Variants in MYB observed in about 807,000 individuals in gnomAD.
MYB encodes the protein transcriptional activator Myb.
MYB carries 28 observed loss-of-function variants against 92.9 expected under a neutral mutation model. The observed-to-expected ratio is 0.30, with a 90% CI of 0.22 to 0.41. MYB has a LOEUF of 0.41. Among genes scored for constraint, MYB ranks in the 10% least tolerant of loss-of-function variants. MYB has a pLI of 1.00. For missense variants in MYB, 679 were observed against 929.3 expected, an observed-to-expected ratio of 0.73 and a Z score of 3.50; for synonymous variants, 295 against 329.1, an observed-to-expected ratio of 0.90 and a Z score of 1.12.
In MYB at chr6:135,181,852, C is replaced by T. The variant is rs188227696; in HGVS notation, c.23+316C>T. On this transcript the variant is annotated intron_variant, in intron 1 of 15. Coordinates refer to ENST00000341911, the MANE Select transcript of MYB (RefSeq NM_001130173.2). The surrounding 1 kb of genome is among the most constrained non-coding windows in gnomAD (Gnocchi z 5.3). ...CGAGGGCAGAGCGGTGCCCACCAGC[C>T]CCGGGGAGCCCACCAGGTGCCTGGC... 3.1e-3 allele frequency among the ~76,000 whole-genome samples: 476 copies of T among 152,312 alleles called. 5 individuals are homozygous for T. Among genetic ancestry groups the T allele is most frequent in the African/African-American group, 0.011 (466 of 41,562 alleles).
intron 10 of MYB, among the ~76,000 whole-genome samples, chr6:135,197,831 G>T (rs1421447608): frequency 6.6e-6 from 1 of 152,166 alleles, no homozygotes; most frequent in Non-Finnish European, 1.5e-5. Context: ...AAGAGGATGA[G>T]AAACAAATGC....
In MYB at chr6:135,186,145, C is replaced by T. The variant is rs940992740; in HGVS notation, c.141+125C>T. ...GGCTCCTTGAGATCTTATCCTAGCC[C>T]GCATGTGCAGCGTGCCCTATGCCCC... is the stretch of plus-strand genomic sequence containing the variant. On this transcript the variant is annotated intron_variant, in intron 2 of 15. Transcript: ENST00000341911. 7.4e-5 allele frequency: 54 copies of T among 732,454 alleles called. No individual in the cohort carries two copies. In the Middle Eastern group the frequency reaches 1.5e-3, roughly 20 times the overall value. 45.4% of individuals were successfully genotyped at this position (732,454 alleles called of 1,614,324 possible).
At position 135,184,811 on chromosome 6, in the gene MYB, A is replaced by G. The variant is rs898073832; in HGVS notation, c.24-1092A>G. On this transcript the variant is annotated intron_variant, in intron 1 of 15. Transcript: ENST00000341911. ...GGGTTTCCCAACATTGCAATGACAA[A>G]TTTTAGTGAAGTTTCTAAGATAGTA... Among the ~76,000 whole-genome samples, 18 of 152,168 alleles carry G rather than the reference A, an allele frequency of 1.2e-4. No individual in the cohort carries two copies. The East Asian group carries it at 3.5e-3, about 29-fold the overall frequency.
chr6:135,200,746 A>T (rs1338152692), intron 13 of MYB: 3 of 309,630 alleles, frequency 9.7e-6, no homozygotes, highest in Non-Finnish European at 1.9e-5. Flanking sequence ...GAAGAATTGG[A>T]ATTTAAATTA....
At chr6:135,183,268 A>T (rs1263733733) in intron 1 of MYB, among the ~76,000 whole-genome samples, 1 of 152,114 alleles carries the variant, frequency 6.6e-6, no homozygotes, top group Non-Finnish European at 1.5e-5. Flanking sequence ...GGCGAGCGTC[A>T]ACTCGGCAGG....
chr6:135,197,343 C>A lies in MYB; in HGVS notation c.1566+20C>A. ...TCGCAGGTAGAACACAATTTCTGCACAGCTGTTACTCATTTTCAACAGACA... is the reference window on the plus strand; with the variant it reads ...TCGCAGGTAGAACACAATTTCTGCAAAGCTGTTACTCATTTTCAACAGACA... On this transcript the variant is annotated intron_variant, in intron 10 of 15. Coordinates refer to ENST00000341911, the MANE Select transcript of MYB (RefSeq NM_001130173.2). 1 of 1,561,142 alleles carries A rather than the reference C, an allele frequency of 6.4e-7. No homozygotes were observed. The highest frequency in any genetic ancestry group is 1.8e-5 in the Admixed American group (1 of 56,148).
chr6:135,218,319 G>T lies in MYB; in HGVS notation c.*339G>T. 5 of 264,772 alleles carry T rather than the reference G, an allele frequency of 1.9e-5. No homozygotes were observed. The highest frequency in any genetic ancestry group is 6.7e-5 in the South Asian group (1 of 14,834). The allele number at this position is 264,772 out of a possible 1,614,324, so 16.4% of individuals were successfully genotyped here. On this transcript the variant is annotated 3_prime_UTR_variant, in exon 16 of 16. Coordinates refer to ENST00000341911, the MANE Select transcript of MYB (RefSeq NM_001130173.2). ...CAGATCAGTATTTTTTCCTGTGATG[G>T]GTTTTTTGAAATTTGACACATTAAA...
At chr6:135,195,647 T>A in intron 8 of MYB, 101 bp from the exon 9 acceptor site, 1 of 1,345,048 alleles carries the variant, frequency 7.4e-7, no homozygotes, top group South Asian at 1.3e-5. Flanking sequence ...ACTCTTATCT[T>A]TCCTCCAACA....
intron 10 of MYB, among the ~76,000 whole-genome samples, chr6:135,197,693 T>A (rs1777522182): frequency 6.6e-6 from 1 of 152,246 alleles, no homozygotes; most frequent in Non-Finnish European, 1.5e-5. Flanking sequence ...CATTTATTCT[T>A]ATGCGATTCA....
chr6:135,204,018 C>A, intron 15 of MYB: 2 of 478,612 alleles, frequency 4.2e-6, no homozygotes, highest in Non-Finnish European at 3.0e-6. Flanking sequence ...TTAAATAGCC[C>A]AATACCCAGC....
At chr6:135,197,431 G>A (rs1777488183) in intron 10 of MYB, 108 bp downstream of exon 10, 1 of 1,065,620 alleles carries the variant, frequency 9.4e-7, no homozygotes, top group Non-Finnish European at 1.4e-6. Flanking sequence ...TGCTGCCTTT[G>A]CTGATTTCAT....
Position 135,190,489 on chromosome 6 carries a change from AG to A in MYB, c.527+143del. 2 of 701,580 alleles carry A rather than the reference AG, an allele frequency of 2.9e-6. No homozygotes were observed. The highest frequency in any genetic ancestry group is 4.8e-6 in the Non-Finnish European group (2 of 420,956). 43.5% of individuals were successfully genotyped at this position (701,580 alleles called of 1,614,324 possible). Reference sequence around the variant, plus strand: ...GATAAACCAGCTACATAGCTTTTAGAGATTGAAGACATCTTAGAGTTTATTT... The same window carrying A: ...GATAAACCAGCTACATAGCTTTTAGAATTGAAGACATCTTAGAGTTTATTT... On this transcript the variant is annotated intron_variant, in intron 5 of 15. Transcript: ENST00000341911. The surrounding 1 kb of genome is among the most constrained non-coding windows in gnomAD (Gnocchi z 4.5).
At chr6:135,214,404 C>A (rs1369164402) in intron 15 of MYB, among the ~76,000 whole-genome samples, 1 of 152,126 alleles carries the variant, frequency 6.6e-6, no homozygotes, top group Non-Finnish European at 1.5e-5. Context: ...CAGAAGCAAT[C>A]CTTTCTTTCC....
At chr6:135,213,208 C>T (rs1779985476) in intron 15 of MYB, among the ~76,000 whole-genome samples, 1 of 152,180 alleles carries the variant, frequency 6.6e-6, no homozygotes, top group African/African-American at 2.4e-5. Flanking sequence ...TCCAAGTCAT[C>T]TTGGCTGCCC....
Position 135,197,216 on chromosome 6 carries a change from G to A in MYB, c.1459G>A (p.Ala487Thr). 6.2e-7 allele frequency: 1 copy of A among 1,613,914 alleles called. No individual in the cohort carries two copies. The highest frequency in any genetic ancestry group is 8.5e-7 in the Non-Finnish European group (1 of 1,179,874). The part of the protein sequence containing the change: ...LVILRKKRGQ[A>T]SPLATGDCSS... ...CATCCTTCGAAAAAAACGGGGCCAG[G>A]CCAGCCCCTTAGCCACTGGAGACTG... Residue 487 changes from alanine to threonine, a missense_variant, in exon 10 of 16, where the codon GCC (alanine) becomes ACC (threonine). By Grantham distance (58) the Ala-to-Thr change is moderately conservative. This residue lies in a region of MYB where 402 missense variants were observed against 434.2 expected (regional missense o/e 0.93). Transcript: ENST00000341911.
rs777044345 is a variant in MYB, at chr6:135,190,150, C to T, written c.330C>T (p.Tyr110=). The T allele has an allele frequency of 2.3e-5, 37 of 1,613,942 alleles. No individual in the cohort carries two copies. The highest frequency in any genetic ancestry group is 4.5e-5 in the East Asian group (2 of 44,896). The change falls in exon 5 of 16, where the codon TAC becomes TAT. Residue 110 remains tyrosine (Y), a synonymous_variant. Transcript: ENST00000341911. This position sits in a 1 kb window ranked among gnomAD's most constrained non-coding sequence, Gnocchi z 4.5. ...AGGTGATAGAGCTTGTACAGAAATA[C>T]GGTCCGAAACGTTGGTCTGTTATTG... ...DQRVIELVQK[Y]GPKRWSVIAK... is the part of the protein sequence containing the mutation.
At chr6:135,198,263 G>A (rs756698160) in intron 10 of MYB, among the ~76,000 whole-genome samples, 5 of 152,168 alleles carry the variant, frequency 3.3e-5, no homozygotes, top group Non-Finnish European at 5.9e-5. Flanking sequence ...TGAACATAGC[G>A]AGATCCCATT....
rs1421014027 is a variant in MYB at position 135,218,050 on chromosome 6, A to G, written c.*70A>G. ...GACTTGGGATATATCATTCCTCAAC[A>G]TGAAACTTTTCATGAATGGGAGAAG... On this transcript the variant is annotated 3_prime_UTR_variant, in exon 16 of 16. Coordinates refer to ENST00000341911, the MANE Select transcript of MYB (RefSeq NM_001130173.2). 8.0e-7 allele frequency: 1 copy of G among 1,253,146 alleles called. No individual in the cohort carries two copies. Among genetic ancestry groups the G allele is most frequent in the Admixed American group, 1.7e-5 (1 of 58,042 alleles). 77.6% of individuals were successfully genotyped at this position (1,253,146 alleles called of 1,614,324 possible). A position where few individuals can be genotyped will look rare whatever the true frequency, so the allele number is the denominator to read the frequency against.
chr6:135,181,797 T>A lies in MYB; in HGVS notation c.23+261T>A, dbSNP rs533480054. On this transcript the variant is annotated intron_variant, in intron 1 of 15. Coordinates refer to ENST00000341911, the MANE Select transcript of MYB (RefSeq NM_001130173.2). This position sits in a 1 kb window ranked among gnomAD's most constrained non-coding sequence, Gnocchi z 5.3. ...CAAGTTGCATGGGGATACATTTTTCTTTAGGGGGAAAAAGAAAGCACGTTC... is the reference window on the plus strand; with the variant it reads ...CAAGTTGCATGGGGATACATTTTTCATTAGGGGGAAAAAGAAAGCACGTTC... Among the ~76,000 whole-genome samples the A allele has an allele frequency of 2.8e-4, 42 of 152,324 alleles. No individual in the cohort carries two copies. Among genetic ancestry groups the A allele is most frequent in the African/African-American group, 9.9e-4 (41 of 41,584 alleles).
Sources: allele counts gnomAD v4.1 joint callset (sites outside exome capture counted in the v4.1 genomes callset), GRCh38; gene constraint gnomAD v4.1.1; regional missense constraint gnomAD v4.1.1; non-coding constraint Gnocchi (gnomAD v3.1); transcripts MANE v1.5; gene names NCBI Gene and HGNC (gene_info 2026-07-23, HGNC 2026-07-21).